Variants in UBE2O observed in about 807,000 individuals in gnomAD.
UBE2O encodes the protein ubiquitin conjugating enzyme E2 O.
In UBE2O, 15 loss-of-function variants were observed where a neutral mutation model predicts 125.8. The ratio of observed to expected loss-of-function variants is 0.12; its 90% CI spans 0.08 to 0.18. The LOEUF is 0.18. Among genes scored for constraint, UBE2O ranks in the 10% least tolerant of loss-of-function variants. The pLI is 1.00. For synonymous variants in UBE2O, 708 were observed against 703.2 expected (o/e 1.01, Z -0.11); for missense variants, 1,280 against 1,723.6 (o/e 0.74, Z 4.56).
intron 1 of UBE2O, among the ~76,000 whole-genome samples, chr17:76,447,202 A>T (rs2073165426): frequency 1.3e-5 from 2 of 152,268 alleles, no homozygotes; most frequent in Non-Finnish European, 2.9e-5. Flanking sequence ...GGTCACGTAT[A>T]GTAATGATCT....
chr17:76,420,370 G>A (rs757644215), intron 1 of UBE2O, among the ~76,000 whole-genome samples: 1 of 151,930 alleles, frequency 6.6e-6, no homozygotes, highest in Non-Finnish European at 1.5e-5. Context: ...AGTGCAGGGG[G>A]GCCTATCTTC....
At chr17:76,442,816 A>G (rs1441892021) in intron 1 of UBE2O, among the ~76,000 whole-genome samples, 1 of 152,134 alleles carries the variant, frequency 6.6e-6, no homozygotes, top group Non-Finnish European at 1.5e-5. Context: ...AGCGCTGTTC[A>G]CTGGTTGAAG....
At chr17:76,392,288 C>T (rs997279311) in intron 15 of UBE2O, among the ~76,000 whole-genome samples, 175 bp from the exon 16 acceptor site, 19 of 152,104 alleles carry the variant, frequency 1.2e-4, no homozygotes, top group African/African-American at 4.1e-4. Context: ...GGACAAATCT[C>T]TCTCTGCAGA....
At position 76,392,133 on chromosome 17, in the gene UBE2O, G is replaced by T; in HGVS notation, c.2947-20C>A. The T allele has an allele frequency of 2.3e-6, 3 of 1,316,860 alleles. No homozygotes were observed. The highest frequency in any genetic ancestry group is 2.1e-6 in the Non-Finnish European group (2 of 969,724). 81.6% of individuals were successfully genotyped at this position (1,316,860 alleles called of 1,614,324 possible). A position where few individuals can be genotyped will look rare whatever the true frequency, so the allele number is the denominator to read the frequency against. On this transcript the variant is annotated intron_variant, in intron 15 of 17. Transcript: ENST00000319380. The stretch of plus-strand genomic sequence containing the variant: ...GAGGTCCTAGGTAGGGAGGGAGGGA[G>T]GGAGGCCAAGGTTGGCAGGGGTGGA...
At chr17:76,422,836 C>G (rs1314932236) in intron 1 of UBE2O, among the ~76,000 whole-genome samples, 1 of 152,240 alleles carries the variant, frequency 6.6e-6, no homozygotes, top group Non-Finnish European at 1.5e-5. Context: ...GTGAACCACA[C>G]AAGGGCAGGC....
chr17:76,410,526 G>A lies in UBE2O; in HGVS notation c.418-4954C>T, dbSNP rs1231869253. Among the ~76,000 whole-genome samples the A allele has an allele frequency of 1.3e-5, 2 of 152,200 alleles. No homozygotes were observed. The highest frequency in any genetic ancestry group is 3.8e-4 in the East Asian group (2 of 5,200). ...GGTGCTCTGGAGACGCAGGTGCTGA[G>A]ACCCGAACAATGGCAGAGAAGGTGG... On this transcript the variant is annotated intron_variant, in intron 1 of 17. Coordinates refer to ENST00000319380, the MANE Select transcript of UBE2O (RefSeq NM_022066.4). This position sits in a 1 kb window ranked among gnomAD's most constrained non-coding sequence, Gnocchi z 4.0.
chr17:76,419,525 T>C (rs1370426789), intron 1 of UBE2O, among the ~76,000 whole-genome samples: 1 of 152,120 alleles, frequency 6.6e-6, no homozygotes, highest in Admixed American at 6.6e-5. Flanking sequence ...CGGCACTCCC[T>C]GACACACCCT....
chr17:76,416,400 C>T (rs911994454), intron 1 of UBE2O, among the ~76,000 whole-genome samples: 1 of 152,098 alleles, frequency 6.6e-6, no homozygotes, highest in African/African-American at 2.4e-5. Flanking sequence ...CTGATGCACA[C>T]CCCCCAGAGA....
At chr17:76,408,464 G>A (rs1046902803) in intron 1 of UBE2O, among the ~76,000 whole-genome samples, 12 of 152,194 alleles carry the variant, frequency 7.9e-5, no homozygotes, top group African/African-American at 2.2e-4. Context: ...GGACCTGAAC[G>A]CAGGCAGTTT....
In UBE2O at chr17:76,398,028, G is replaced by A. The variant is rs753088535; in HGVS notation, c.2026-140C>T. On this transcript the variant is annotated intron_variant, in intron 12 of 17. Coordinates refer to ENST00000319380, the MANE Select transcript of UBE2O (RefSeq NM_022066.4). This position sits in a 1 kb window ranked among gnomAD's most constrained non-coding sequence, Gnocchi z 5.4. ...AGCTCCTCTGGTAAATGTAACCAGC[G>A]GCAGCTCAAGAAGCCTGACCCCAGA... 5.8e-5 allele frequency: 61 copies of A among 1,048,962 alleles called. No individual in the cohort carries two copies. The highest frequency in any genetic ancestry group is 7.1e-5 in the Non-Finnish European group (51 of 716,280). 65.0% of individuals were successfully genotyped at this position (1,048,962 alleles called of 1,614,324 possible).
chr17:76,448,585 G>A (rs947644083), intron 1 of UBE2O, among the ~76,000 whole-genome samples: 1 of 152,236 alleles, frequency 6.6e-6, no homozygotes, highest in Non-Finnish European at 1.5e-5. Flanking sequence ...CAAACCTGGT[G>A]AAACCCTGAA....
intron 1 of UBE2O, among the ~76,000 whole-genome samples, chr17:76,428,902 ATTT>A (rs935968445): frequency 2.9e-5 from 4 of 136,164 alleles, no homozygotes; most frequent in Admixed American, 7.3e-5. Context: ...CCCCTCTACT[ATTT>A]TTTTTTTTTT....
At chr17:76,401,232 G>A (rs751812510) in intron 5 of UBE2O, 78 bp from the exon 6 acceptor site, 218 of 1,531,762 alleles carry the variant, frequency 1.4e-4, no homozygotes, top group Non-Finnish European at 1.4e-4. Context: ...GCCTGTGCCC[G>A]CTGGCTGCCC....
At chr17:76,414,990 G>A (rs910345661) in intron 1 of UBE2O, among the ~76,000 whole-genome samples, 6 of 152,188 alleles carry the variant, frequency 3.9e-5, no homozygotes, top group African/African-American at 1.4e-4. Context: ...TAAGTAGAAG[G>A]CAGAAAAGTG....
At chr17:76,393,599 C>A (rs769958198) in intron 15 of UBE2O, among the ~76,000 whole-genome samples, 34 of 152,290 alleles carry the variant, frequency 2.2e-4, no homozygotes, top group Non-Finnish European at 4.0e-4. Context: ...TTATCCCCAA[C>A]AAGGCAAGTA....
At position 76,410,107 on chromosome 17, in the gene UBE2O, A is replaced by G. The variant is rs1426621701; in HGVS notation, c.418-4535T>C. On this transcript the variant is annotated intron_variant, in intron 1 of 17. Coordinates refer to ENST00000319380, the MANE Select transcript of UBE2O (RefSeq NM_022066.4). The surrounding 1 kb of genome is among the most constrained non-coding windows in gnomAD (Gnocchi z 4.0). The stretch of plus-strand genomic sequence containing the variant: ...CAGGCCGGCAAGGCTTCAAGAAGGC[A>G]GAAGGCATGGTGCTGTTATTCAGGC... Among the ~76,000 whole-genome samples, 1 of 152,104 alleles carries G rather than the reference A, an allele frequency of 6.6e-6. No individual in the cohort carries two copies. Among genetic ancestry groups the G allele is most frequent in the East Asian group, 1.9e-4 (1 of 5,178 alleles).
In UBE2O at chr17:76,398,160, C is replaced by T; in HGVS notation, c.2025+95G>A. ...CACTGAGCCCAGAGGACTTTCAGGT[C>T]TTGTCTCCTAGAGCCACCTGGTGGC... On this transcript the variant is annotated intron_variant, in intron 12 of 17. Coordinates refer to ENST00000319380, the MANE Select transcript of UBE2O (RefSeq NM_022066.4). This position sits in a 1 kb window ranked among gnomAD's most constrained non-coding sequence, Gnocchi z 5.4. 6.4e-7 allele frequency: 1 copy of T among 1,562,346 alleles called. No homozygotes were observed. The highest frequency in any genetic ancestry group is 8.8e-7 in the Non-Finnish European group (1 of 1,142,264).
chr17:76,405,133 G>A lies in UBE2O; in HGVS notation c.588+73C>T, dbSNP rs1166342407. 4.3e-6 allele frequency: 5 copies of A among 1,170,338 alleles called. No individual in the cohort carries two copies. In the African/African-American group the frequency reaches 4.6e-5, roughly 11 times the overall value. 72.5% of individuals were successfully genotyped at this position (1,170,338 alleles called of 1,614,324 possible). On this transcript the variant is annotated intron_variant, in intron 3 of 17. Coordinates refer to ENST00000319380, the MANE Select transcript of UBE2O (RefSeq NM_022066.4). The surrounding 1 kb of genome is among the most constrained non-coding windows in gnomAD (Gnocchi z 6.1). ...GCTTGGCAAGAGCACGGAGGAGGCTGTAGCCCAGAGGTCGTGCCGCCGAGA... is the reference window on the plus strand; with the variant it reads ...GCTTGGCAAGAGCACGGAGGAGGCTATAGCCCAGAGGTCGTGCCGCCGAGA...
chr17:76,443,898 T>C (rs150051080), intron 1 of UBE2O, among the ~76,000 whole-genome samples: 24 of 152,214 alleles, frequency 1.6e-4, no homozygotes, highest in South Asian at 8.3e-4. Flanking sequence ...TCTGGTATAA[T>C]AGAACCCCAA....
Sources: allele counts gnomAD v4.1 joint callset (sites outside exome capture counted in the v4.1 genomes callset), GRCh38; gene constraint gnomAD v4.1.1; non-coding constraint Gnocchi (gnomAD v3.1); transcripts MANE v1.5; gene names NCBI Gene and HGNC (gene_info 2026-07-23, HGNC 2026-07-21).